REV3L: variants seen among roughly 807,000 people sequenced by gnomAD.
REV3L encodes the protein REV3 like, DNA directed polymerase zeta catalytic subunit, also known as DNA polymerase zeta catalytic subunit.
A neutral mutation model predicts 299.4 loss-of-function variants in REV3L; 69 were observed. That is an observed-to-expected ratio of 0.23 (90% CI 0.19 to 0.28). The LOEUF is 0.28. Among genes scored for constraint, REV3L ranks in the 10% least tolerant of loss-of-function variants. The pLI, the probability that REV3L is intolerant of heterozygous loss-of-function variation, is 1.00. For missense variants in REV3L, 3,128 were observed against 3,693.8 expected, an observed-to-expected ratio of 0.85 and a Z score of 3.97; for synonymous variants, 1,238 against 1,271.4, an observed-to-expected ratio of 0.97 and a Z score of 0.56.
At chr6:111,341,267 C>T (rs1044210337) in intron 21 of REV3L, among the ~76,000 whole-genome samples, 4 of 152,086 alleles carry the variant, frequency 2.6e-5, no homozygotes, top group Non-Finnish European at 4.4e-5. Flanking sequence ...AGGCTGGTCT[C>T]GAACTCCTGA....
In REV3L at chr6:111,392,872, T is replaced by C. The variant is rs919450075; in HGVS notation, c.662+4A>G. 1 of 1,579,418 alleles carries C rather than the reference T, an allele frequency of 6.3e-7. No homozygotes were observed. Among genetic ancestry groups the C allele is most frequent in the Non-Finnish European group, 8.7e-7 (1 of 1,148,742 alleles). ...TTTTCATTTCCTTTACAACATTAACTAACCTTGGTATTTCATCTTGTTCCC... is the reference window on the plus strand; with the variant it reads ...TTTTCATTTCCTTTACAACATTAACCAACCTTGGTATTTCATCTTGTTCCC... On this transcript the variant is annotated splice_donor_region_variant and intron_variant, in intron 5 of 31. Transcript: ENST00000368802.
At chr6:111,325,826 T>C (rs1774727369) in intron 25 of REV3L, among the ~76,000 whole-genome samples, 1 of 152,220 alleles carries the variant, frequency 6.6e-6, no homozygotes, top group African/African-American at 2.4e-5. Flanking sequence ...ATACAATAAG[T>C]TGCTGTTCAC....
intron 1 of REV3L, among the ~76,000 whole-genome samples, chr6:111,429,878 G>C (rs1786675741): frequency 6.6e-6 from 1 of 152,284 alleles, no homozygotes; most frequent in South Asian, 2.1e-4. Context: ...CCAGGAGTAT[G>C]TAGAGAAGCC....
At chr6:111,436,483 G>T (rs1248679926) in intron 1 of REV3L, among the ~76,000 whole-genome samples, 1 of 152,088 alleles carries the variant, frequency 6.6e-6, no homozygotes, top group African/African-American at 2.4e-5. Flanking sequence ...TTGCAGCAAC[G>T]TAAGTGAAAC....
chr6:111,465,026 G>T (rs942578824), intron 1 of REV3L, among the ~76,000 whole-genome samples: 1 of 151,314 alleles, frequency 6.6e-6, no homozygotes, highest in Non-Finnish European at 1.5e-5. Context: ...CACATAAAAC[G>T]GTCTATGCTG....
chr6:111,432,185 T>C (rs1051408778), intron 1 of REV3L, among the ~76,000 whole-genome samples: 1 of 152,144 alleles, frequency 6.6e-6, no homozygotes, highest in Non-Finnish European at 1.5e-5. Context: ...AGCAATGAAA[T>C]GACAGTAGTA....
rs572707833 is a variant in REV3L, at chr6:111,476,886, T to C, written c.139+5864A>G. Among the ~76,000 whole-genome samples the C allele has an allele frequency of 5.9e-5, 9 of 152,360 alleles. No homozygotes were observed. The South Asian group carries it at 1.4e-3, about 25-fold the overall frequency. The stretch of plus-strand genomic sequence containing the variant: ...AATCTCATGTCTCCCACTACATTTC[T>C]GGAACCATATCTAGAAAATCAATTT... On this transcript the variant is annotated intron_variant, in intron 1 of 31. Transcript: ENST00000368802.
chr6:111,421,746 A>G (rs1040872731), intron 1 of REV3L, among the ~76,000 whole-genome samples: 5 of 152,146 alleles, frequency 3.3e-5, no homozygotes, highest in African/African-American at 1.2e-4. Context: ...CAATCTAAAC[A>G]AGGTTTTAAA....
chr6:111,360,088 A>G (rs1778493757), intron 16 of REV3L, among the ~76,000 whole-genome samples: 1 of 152,150 alleles, frequency 6.6e-6, no homozygotes, highest in African/African-American at 2.4e-5. Flanking sequence ...AAAAAACTAA[A>G]TGTTTACCTG....
Position 111,460,419 on chromosome 6 carries a change from C to T in REV3L, c.139+22331G>A, listed in dbSNP as rs568874213. 4.4e-4 allele frequency: 13 copies of T among 29,474 alleles called. No individual in the cohort carries two copies. The East Asian group carries it at 0.019, about 44-fold the overall frequency. 1.8% of individuals were successfully genotyped at this position (29,474 alleles called of 1,614,324 possible). On this transcript the variant is annotated intron_variant, in intron 1 of 31. Transcript: ENST00000368802. ...GTACACCCGGAATCTAAAATAAAAGCGGAAAAAGAAAAAAAATTTAATTCA... is the reference window on the plus strand; with the variant it reads ...GTACACCCGGAATCTAAAATAAAAGTGGAAAAAGAAAAAAAATTTAATTCA...
In REV3L at chr6:111,483,137, C is replaced by A; in HGVS notation, c.-249G>T. ...CGAGCTTTCGTCGGTGCTGGTGCTG[C>A]CGCCACTGCCGCCACCGCCGGGAAT... On this transcript the variant is annotated 5_prime_UTR_variant, in exon 1 of 32. Transcript: ENST00000368802. 2.0e-6 allele frequency: 1 copy of A among 489,336 alleles called. No homozygotes were observed. Among genetic ancestry groups the A allele is most frequent in the Non-Finnish European group, 3.5e-6 (1 of 282,898 alleles). 30.3% of individuals were successfully genotyped at this position (489,336 alleles called of 1,614,324 possible).
intron 29 of REV3L, 126 bp from the exon 30 acceptor site, chr6:111,310,225 G>GAAATTTCAAAACAGA (rs1208113034): frequency 1.7e-5 from 20 of 1,205,510 alleles, no homozygotes; most frequent in Non-Finnish European, 2.2e-5. Flanking sequence ...TTTCAAAACA[G>GAAATTTCAAAACAGA]AATTACTATT....
At position 111,358,548 on chromosome 6, in the gene REV3L, A is replaced by G. The variant is rs957498826; in HGVS notation, c.7072+274T>C. Among the ~76,000 whole-genome samples the G allele has an allele frequency of 3.9e-5, 6 of 152,180 alleles. 1 individual carries two copies. The highest frequency in any genetic ancestry group is 1.4e-4 in the African/African-American group (6 of 41,450). ...CACAATCATAGTGCACTACAGCCCC[A>G]AACTCCTGGGCTCGAGCAATCCTGT... On this transcript the variant is annotated intron_variant, in intron 17 of 31. Coordinates refer to ENST00000368802, the MANE Select transcript of REV3L (RefSeq NM_001372078.1).
chr6:111,303,195 A>T (rs1452591917), intron 31 of REV3L, among the ~76,000 whole-genome samples: 4 of 92,072 alleles, frequency 4.3e-5, no homozygotes, highest in East Asian at 6.8e-4. Context: ...GATGAGAGAG[A>T]GCGTCTCATT....
Position 111,299,926 on chromosome 6 carries a change from G to A in REV3L, c.*90C>T, listed in dbSNP as rs1771289463. ...CAGATAACAGACAGTGAACATCCTT[G>A]ACTCGATGAAAGTTAAAAAGCACCA... On this transcript the variant is annotated 3_prime_UTR_variant, in exon 32 of 32. Coordinates refer to ENST00000368802, the MANE Select transcript of REV3L (RefSeq NM_001372078.1). 1 of 1,270,104 alleles carries A rather than the reference G, an allele frequency of 7.9e-7. No homozygotes were observed. The highest frequency in any genetic ancestry group is 1.1e-6 in the Non-Finnish European group (1 of 921,366). The allele number at this position is 1,270,104 out of a possible 1,614,324, so 78.7% of individuals were successfully genotyped here.
At chr6:111,416,145 A>G in intron 2 of REV3L, 138 bp downstream of exon 2, 3 of 534,250 alleles carry the variant, frequency 5.6e-6, no homozygotes, top group East Asian at 3.3e-5. Context: ...ATTCATGTTA[A>G]AAAGTTACAG....
chr6:111,364,529 A>G (rs541603383), intron 15 of REV3L, among the ~76,000 whole-genome samples: 3 of 152,024 alleles, frequency 2.0e-5, no homozygotes, highest in Non-Finnish European at 4.4e-5. Flanking sequence ...CCAAAGTGTT[A>G]TGTTCACAAC....
intron 29 of REV3L, 183 bp downstream of exon 29, chr6:111,310,886 A>G: frequency 2.3e-6 from 1 of 440,806 alleles, no homozygotes; most frequent in Non-Finnish European, 3.9e-6. Context: ...AGCCCAAAAG[A>G]GGATTTCCTC....
chr6:111,471,253 T>C (rs1792169668), intron 1 of REV3L, among the ~76,000 whole-genome samples: 1 of 152,168 alleles, frequency 6.6e-6, no homozygotes, highest in African/African-American at 2.4e-5. Context: ...TATCACCTTT[T>C]TTTTTTTAAG....
Sources: gnomAD v4.1 joint callset for allele counts (sites outside exome capture counted in the v4.1 genomes callset) on GRCh38, gnomAD v4.1.1 for gene constraint, MANE v1.5 for transcripts, NCBI Gene and HGNC (gene_info 2026-07-23, HGNC 2026-07-21) for gene names.